Variants in MANF observed in about 807,000 individuals in gnomAD.
MANF encodes mesencephalic astrocyte-derived neurotrophic factor.
Under a neutral mutation model 19.1 loss-of-function variants are expected in MANF, and 9 were observed. The ratio of observed to expected loss-of-function variants is 0.47; its 90% CI spans 0.28 to 0.82. MANF has a LOEUF of 0.82. Among genes scored for constraint, MANF ranks in the 40% least tolerant of loss-of-function variants. The probability of loss-of-function intolerance (pLI) is 0.10; values close to 1 mark genes in which losing one functional copy is unlikely to be tolerated. For synonymous variants in MANF, 89 were observed against 88.0 expected (o/e 1.01, Z -0.06); for missense variants, 225 against 226.7 (o/e 0.99, Z 0.05).
chr3:51,388,231 G>C (rs2088982273), intron 3 of MANF, among the ~76,000 whole-genome samples: 1 of 152,214 alleles, frequency 6.6e-6, no homozygotes, highest in Non-Finnish European at 1.5e-5. Flanking sequence ...TTTTTCAGCA[G>C]AGAAGGGACA....
chr3:51,386,463 G>C, intron 2 of MANF, 128 bp downstream of exon 2: 1 of 999,344 alleles, frequency 1.0e-6, no homozygotes, highest in East Asian at 2.5e-5. Flanking sequence ...ATAAACTAAT[G>C]TGAGAAGACT....
At chr3:51,386,791 G>C (rs2088966274) in intron 2 of MANF, 1 of 444,350 alleles carries the variant, frequency 2.3e-6, no homozygotes, top group Non-Finnish European at 4.5e-6. Flanking sequence ...GACAGGAGAA[G>C]GTGACAGGGT....
rs188915075 is a variant in MANF, at chr3:51,389,194, T to A, written c.*105T>A. The A allele has an allele frequency of 3.1e-6, 3 of 963,434 alleles. No homozygotes were observed. The highest frequency in any genetic ancestry group is 5.3e-5 in the East Asian group (2 of 37,506). 59.7% of individuals were successfully genotyped at this position (963,434 alleles called of 1,614,324 possible). On this transcript the variant is annotated 3_prime_UTR_variant, in exon 4 of 4. Coordinates refer to ENST00000528157, the MANE Select transcript of MANF (RefSeq NM_006010.6). ...TTTTTAAGTGGGCTCCTGACAATAC[T>A]GTATCAGATGTGAAGCCTGGAGCTT... is the stretch of plus-strand genomic sequence containing the variant.
chr3:51,385,911 G>A (rs931675912), intron 1 of MANF: 54 of 359,566 alleles, frequency 1.5e-4, no homozygotes, highest in Admixed American at 1.3e-4. Context: ...AGTGAGTCCC[G>A]TCTCAAGGAC....
Position 51,385,293 on chromosome 3 carries a change from T to G in MANF, c.-50T>G. 5 of 1,168,682 alleles carry G rather than the reference T, an allele frequency of 4.3e-6. No homozygotes were observed. Among genetic ancestry groups the G allele is most frequent in the Non-Finnish European group, 5.4e-6 (5 of 928,936 alleles). 72.4% of individuals were successfully genotyped at this position (1,168,682 alleles called of 1,614,324 possible). On this transcript the variant is annotated 5_prime_UTR_variant, in exon 1 of 4. Transcript: ENST00000528157. Reference sequence around the variant, plus strand: ...GTGCGGCGCGGCGGGTGCGGTTCAGTCGGTCGGCGGCGGCAGCGGAGGAGG... The same window carrying G: ...GTGCGGCGCGGCGGGTGCGGTTCAGGCGGTCGGCGGCGGCAGCGGAGGAGG...
intron 2 of MANF, 140 bp downstream of exon 2, chr3:51,386,475 A>G: frequency 1.1e-6 from 1 of 903,192 alleles, no homozygotes; most frequent in Non-Finnish European, 1.7e-6. Context: ...GAGAAGACTG[A>G]AGTGCTTCTA....
chr3:51,389,017 C>G lies in MANF; in HGVS notation c.477C>G (p.Asp159Glu). ...ETCKGCAEKSDYIRKINELMP... is the reference protein window; with the variant it reads ...ETCKGCAEKSEYIRKINELMP... ...GCAAAGGCTGTGCAGAAAAGTCTGA[C>G]TACATCCGGAAGATAAATGAACTGA... Residue 159 changes from aspartate to glutamate, a missense_variant, in exon 4 of 4, where the codon GAC (aspartate) becomes GAG (glutamate). By Grantham distance (45) the Asp-to-Glu change is conservative (BLOSUM62 2). Transcript: ENST00000528157. The G allele has an allele frequency of 6.2e-7, 1 of 1,611,922 alleles. No individual in the cohort carries two copies. The highest frequency in any genetic ancestry group is 2.2e-5 in the East Asian group (1 of 44,866).
chr3:51,386,715 G>C (rs2088965606), intron 2 of MANF, among the ~76,000 whole-genome samples: 1 of 152,220 alleles, frequency 6.6e-6, no homozygotes, highest in Non-Finnish European at 1.5e-5. Context: ...AGTGGGGTAA[G>C]ACCATCCCAT....
Position 51,388,936 on chromosome 3 carries a change from G to C in MANF, c.396G>C (p.Leu132=). The change falls in exon 4 of 4, where the codon CTG becomes CTC. Residue 132 remains leucine (L), a synonymous_variant. Coordinates refer to ENST00000528157, the MANE Select transcript of MANF (RefSeq NM_006010.6). ...DKQIDLSTVD[L]KKLRVKELKK... ...AGATCGACCTGAGCACAGTGGACCT[G>C]AAGAAGCTCCGAGTTAAAGAGCTGA... The C allele has an allele frequency of 6.3e-7, 1 of 1,587,566 alleles. No homozygotes were observed. The highest frequency in any genetic ancestry group is 8.6e-7 in the Non-Finnish European group (1 of 1,166,646).
chr3:51,386,419 C>A, intron 2 of MANF, 84 bp downstream of exon 2: 2 of 1,498,764 alleles, frequency 1.3e-6, no homozygotes, highest in Non-Finnish European at 1.8e-6. Context: ...AGGCCTTGCC[C>A]ACCTCTCTGT....
chr3:51,385,551 G>A, intron 1 of MANF, 115 bp downstream of exon 1: 1 of 484,586 alleles, frequency 2.1e-6, no homozygotes, highest in East Asian at 3.9e-5. Flanking sequence ...GCGGGGGCGG[G>A]GGCGACAGCA....
At position 51,388,975 on chromosome 3, in the gene MANF, T is replaced by C. The variant is rs781843103; in HGVS notation, c.435T>C (p.Asp145=). The C allele has an allele frequency of 5.1e-5, 82 of 1,604,270 alleles. No homozygotes were observed. The highest frequency in any genetic ancestry group is 6.8e-5 in the Non-Finnish European group (80 of 1,175,106). The part of the protein sequence containing the change: ...LRVKELKKIL[D]DWGETCKGCA... ...TTAAAGAGCTGAAGAAGATTCTGGA[T>C]GACTGGGGGGAGACATGCAAAGGCT... The change falls in exon 4 of 4, where the codon GAT becomes GAC. Residue 145 remains aspartate (D), a synonymous_variant. Coordinates refer to ENST00000528157, the MANE Select transcript of MANF (RefSeq NM_006010.6).
chr3:51,387,123 GA>G (rs1405702949), intron 2 of MANF: 1 of 344,796 alleles, frequency 2.9e-6, no homozygotes, highest in Non-Finnish European at 5.8e-6. Context: ...AGGAGTTTGA[GA>G]TCAGCCTGGG....
At chr3:51,388,726 G>A (rs2088988784) in intron 3 of MANF, among the ~76,000 whole-genome samples, 179 bp from the exon 4 acceptor site, 1 of 152,206 alleles carries the variant, frequency 6.6e-6, no homozygotes, top group South Asian at 2.1e-4. Context: ...TGGTGAAGAG[G>A]CTAGTTCCCT....
chr3:51,389,356 A>G lies in MANF; in HGVS notation c.*267A>G, dbSNP rs2088999330. 2 of 400,852 alleles carry G rather than the reference A, an allele frequency of 5.0e-6. No homozygotes were observed. The highest frequency in any genetic ancestry group is 4.4e-6 in the Non-Finnish European group (1 of 227,142). The allele number at this position is 400,852 out of a possible 1,614,324, so 24.8% of individuals were successfully genotyped here. On this transcript the variant is annotated 3_prime_UTR_variant, in exon 4 of 4. Coordinates refer to ENST00000528157, the MANE Select transcript of MANF (RefSeq NM_006010.6). ...AATTTCTAGCTGTCCTTGCAGAATT[A>G]TAGTGAATACCAAAATGGGGTTTTG...
chr3:51,386,077 T>C (rs1231095544), intron 1 of MANF, 131 bp from the exon 2 acceptor site: 2 of 1,001,846 alleles, frequency 2.0e-6, no homozygotes, highest in African/African-American at 3.2e-5. Context: ...CTGAGAAAAA[T>C]CGGTGATGGA....
rs111442102 is a variant in MANF, at chr3:51,387,461, CAA to C, written c.223-262_223-261del. On this transcript the variant is annotated intron_variant, in intron 2 of 3. Coordinates refer to ENST00000528157, the MANE Select transcript of MANF (RefSeq NM_006010.6). ...TGGGTGACAGAGCAAAACTTTATCT[CAA>C]AAAAAAAAAAAAATTGTTTTAGTTA... 1.3e-4 allele frequency among the ~76,000 whole-genome samples: 18 copies of C among 135,260 alleles called. 1 individual carries two copies. Among genetic ancestry groups the C allele is most frequent in the South Asian group, 7.2e-4 (3 of 4,170 alleles). 88.7% of individuals were successfully genotyped at this position (135,260 alleles called of 152,430 possible).
intron 1 of MANF, 194 bp from the exon 2 acceptor site, chr3:51,386,014 T>A: frequency 1.7e-6 from 1 of 590,598 alleles, no homozygotes. Context: ...ATGCCCTGGG[T>A]GTACCAGGGG....
intron 1 of MANF, 125 bp from the exon 2 acceptor site, chr3:51,386,083 A>T (rs1220482551): frequency 8.4e-6 from 9 of 1,075,446 alleles, no homozygotes; most frequent in Non-Finnish European, 1.2e-5. Context: ...AAAATCGGTG[A>T]TGGAAAAGCT....
Sources: gnomAD v4.1 joint callset for allele counts (sites outside exome capture counted in the v4.1 genomes callset) on GRCh38, gnomAD v4.1.1 for gene constraint, MANE v1.5 for transcripts, NCBI Gene and HGNC (gene_info 2026-07-23, HGNC 2026-07-21) for gene names.